ATP2C2: variants seen among roughly 807,000 people sequenced by gnomAD.
ATP2C2 encodes the protein ATPase secretory pathway Ca2+ transporting 2, also known as calcium-transporting ATPase type 2C member 2.
A neutral mutation model predicts 110.8 loss-of-function variants in ATP2C2; 171 were observed. That is an observed-to-expected ratio of 1.54 (90% CI 1.36 to 1.75). The LOEUF (loss-of-function observed/expected upper bound fraction) is 1.75. ATP2C2 is among the 40% of genes most tolerant of loss of function. The pLI is 0.00. For missense variants in ATP2C2, 1,963 were observed against 1,235.0 expected (o/e 1.59, Z -8.84); for synonymous variants, 804 against 508.4 (o/e 1.58, Z -7.82).
intron 11 of ATP2C2, among the ~76,000 whole-genome samples, chr16:84,431,539 T>G: frequency 6.7e-6 from 1 of 150,370 alleles, no homozygotes; most frequent in Non-Finnish European, 1.5e-5. Context: ...CTGGAAGAGG[T>G]GGCCAGGGAG....
chr16:84,463,642 A>G lies in ATP2C2; in HGVS notation c.2751A>G (p.Ser917=). 6.2e-7 allele frequency: 1 copy of G among 1,614,176 alleles called. No individual in the cohort carries two copies. The change falls in exon 27 of 27, where the codon TCA becomes TCG. Residue 917 remains serine (S), a synonymous_variant. Transcript: ENST00000262429. ...LDLLFLTGLA[S]SVFILSELLK... Reference sequence around the variant, plus strand: ...TGCTGTTTTTAACTGGATTGGCCTCATCCGTCTTCATTTTGTCAGAGCTCC... The same window carrying G: ...TGCTGTTTTTAACTGGATTGGCCTCGTCCGTCTTCATTTTGTCAGAGCTCC...
chr16:84,422,712 G>C lies in ATP2C2; in HGVS notation c.843+15G>C. The C allele has an allele frequency of 6.3e-7, 1 of 1,593,990 alleles. No individual in the cohort carries two copies. Among genetic ancestry groups the C allele is most frequent in the Non-Finnish European group, 8.5e-7 (1 of 1,172,954 alleles). On this transcript the variant is annotated intron_variant, in intron 9 of 26. Transcript: ENST00000262429. ...AGGCTGAAGAGGTAAGGGGCAGGAG[G>C]GGGCTTCGGGACTTTTGTAAGCTGG...
chr16:84,427,915 A>G (rs1391448476), intron 11 of ATP2C2, among the ~76,000 whole-genome samples: 1 of 152,214 alleles, frequency 6.6e-6, no homozygotes, highest in African/African-American at 2.4e-5. Context: ...TCAATTATAT[A>G]TGTTAAAGGA....
intron 11 of ATP2C2, among the ~76,000 whole-genome samples, chr16:84,431,932 A>G (rs1240801671): frequency 6.6e-6 from 1 of 151,924 alleles, no homozygotes; most frequent in Non-Finnish European, 1.5e-5. Flanking sequence ...CAGGACGCCG[A>G]GCTGTGCTGG....
chr16:84,394,409 T>C (rs1209984276), intron 1 of ATP2C2, among the ~76,000 whole-genome samples: 1 of 152,094 alleles, frequency 6.6e-6, no homozygotes, highest in Non-Finnish European at 1.5e-5. Flanking sequence ...CGAATTTGCC[T>C]GTCCCGGGCC....
At position 84,461,710 on chromosome 16, in the gene ATP2C2, C is replaced by G. The variant is rs368473296; in HGVS notation, c.2482-4C>G. On this transcript the variant is annotated splice_polypyrimidine_tract_variant and splice_region_variant and intron_variant, in intron 24 of 26. Coordinates refer to ENST00000262429, the MANE Select transcript of ATP2C2 (RefSeq NM_014861.4). ...AACCTCTCACCTTTGTGCTCACCTT[C>G]CAGATGCCTGAAGACAGAGCAAGCA... 5.6e-6 allele frequency: 9 copies of G among 1,613,596 alleles called. No individual in the cohort carries two copies. Among genetic ancestry groups the G allele is most frequent in the South Asian group, 5.5e-5 (5 of 91,072 alleles).
At chr16:84,449,146 T>A (rs1374968962) in intron 17 of ATP2C2, among the ~76,000 whole-genome samples, 1 of 152,250 alleles carries the variant, frequency 6.6e-6, no homozygotes, top group African/African-American at 2.4e-5. Flanking sequence ...GTGTCATTTG[T>A]CACCCTGGCC....
intron 16 of ATP2C2, among the ~76,000 whole-genome samples, chr16:84,447,149 T>G (rs1263384566): frequency 6.6e-6 from 1 of 152,078 alleles, no homozygotes; most frequent in African/African-American, 2.4e-5. Flanking sequence ...CCCCTCCTCT[T>G]CCCTCCCACT....
intron 3 of ATP2C2, 89 bp from the exon 4 acceptor site, chr16:84,408,316 C>A (rs1482458493): frequency 3.2e-6 from 4 of 1,269,184 alleles, no homozygotes; most frequent in Admixed American, 3.4e-5. Flanking sequence ...TGAACTGAGA[C>A]CCCTGTCACA....
intron 11 of ATP2C2, among the ~76,000 whole-genome samples, chr16:84,431,439 T>G (rs1400758009): frequency 2.6e-5 from 4 of 151,880 alleles, no homozygotes; most frequent in Admixed American, 2.6e-4. Flanking sequence ...GAGGTTGCAG[T>G]GAGCCGACAT....
intron 24 of ATP2C2, chr16:84,461,273 A>C: frequency 3.5e-6 from 1 of 285,946 alleles, no homozygotes; most frequent in Non-Finnish European, 6.6e-6. Context: ...GACCCATGTG[A>C]CCACACCACA....
At chr16:84,460,414 G>T (rs393515) in intron 23 of ATP2C2, 593,207 of 593,634 alleles carry the variant, frequency 1, 296,394 homozygotes, top group East Asian at 1. Flanking sequence ...TTGGCCTTAC[G>T]GGGTGGTCTT....
At chr16:84,403,962 A>G (rs1905528669) in intron 2 of ATP2C2, among the ~76,000 whole-genome samples, 2 of 152,184 alleles carry the variant, frequency 1.3e-5, no homozygotes, top group South Asian at 4.1e-4. Flanking sequence ...AAGCGCTGGG[A>G]TTACAAGCCT....
chr16:84,439,587 A>G (rs1431741886), intron 13 of ATP2C2, 63 bp downstream of exon 13: 6 of 1,438,278 alleles, frequency 4.2e-6, no homozygotes, highest in Non-Finnish European at 5.9e-6. Context: ...TCCTTTCTAA[A>G]CTAAGCACAC....
At chr16:84,376,199 A>G (rs1371920508) in intron 1 of ATP2C2, among the ~76,000 whole-genome samples, 1 of 152,182 alleles carries the variant, frequency 6.6e-6, no homozygotes, top group Non-Finnish European at 1.5e-5. Context: ...AAACTTCCAC[A>G]GGGGAGTTTG....
At chr16:84,455,512 A>C (rs1258779020) in intron 21 of ATP2C2, among the ~76,000 whole-genome samples, 1 of 152,180 alleles carries the variant, frequency 6.6e-6, no homozygotes, top group Non-Finnish European at 1.5e-5. Context: ...GGCTTGCACA[A>C]AACTATTTGT....
At chr16:84,396,089 T>A (rs760120252) in intron 1 of ATP2C2, among the ~76,000 whole-genome samples, 2 of 152,148 alleles carry the variant, frequency 1.3e-5, no homozygotes. Context: ...GGGTCTGGCT[T>A]ATTTCACCAG....
At chr16:84,447,132 T>A (rs1909824098) in intron 16 of ATP2C2, among the ~76,000 whole-genome samples, 1 of 152,156 alleles carries the variant, frequency 6.6e-6, no homozygotes, top group Admixed American at 6.5e-5. Flanking sequence ...TTCTACCGTT[T>A]TCTCCACCCC....
rs66508461 is a variant in ATP2C2, at chr16:84,460,349, G to GGT, written c.2334-304_2334-303insTG. 3 of 322,204 alleles carry GGT rather than the reference G, an allele frequency of 9.3e-6. No individual in the cohort carries two copies. In the African/African-American group the frequency reaches 1.3e-4, roughly 14 times the overall value. The allele number at this position is 322,204 out of a possible 1,614,324, so 20.0% of individuals were successfully genotyped here. ...GCCTGTTTCTCCAGGCGCAACGTTG[G>GGT]GGGGGGTCCCCTCGGGGTGATGGAG... On this transcript the variant is annotated intron_variant, in intron 23 of 26. Transcript: ENST00000262429.
Sources: gnomAD v4.1 joint callset for allele counts (sites outside exome capture counted in the v4.1 genomes callset) on GRCh38, gnomAD v4.1.1 for gene constraint, MANE v1.5 for transcripts, NCBI Gene and HGNC (gene_info 2026-07-23, HGNC 2026-07-21) for gene names.